The following NAALADL2 variants were observed in gnomAD, a reference collection of about 807,000 sequenced individuals.
The protein encoded by NAALADL2 is N-acetylated alpha-linked acidic dipeptidase like 2.
In NAALADL2, 76 loss-of-function variants were observed where a neutral mutation model predicts 87.2. The ratio of observed to expected loss-of-function variants is 0.87; its 90% CI spans 0.72 to 1.05. The LOEUF (loss-of-function observed/expected upper bound fraction) is 1.05. Among genes scored for constraint, NAALADL2 ranks in the 50% least tolerant of loss-of-function variants. The probability of loss-of-function intolerance (pLI) is 0.00; values close to 1 mark genes in which losing one functional copy is unlikely to be tolerated. For synonymous variants in NAALADL2, 354 were observed against 331.0 expected, an observed-to-expected ratio of 1.07 and a Z score of -0.75; for missense variants, 1,089 against 945.8, an observed-to-expected ratio of 1.15 and a Z score of -1.99.
At chr3:175,417,289 A>G (rs905989110) in intron 5 of NAALADL2, among the ~76,000 whole-genome samples, 6 of 151,870 alleles carry the variant, frequency 4.0e-5, no homozygotes, top group Admixed American at 3.9e-4. Context: ...TTATTGAACT[A>G]ATTCTCAAAG....
At chr3:175,145,109 C>G (rs1167381991) in intron 2 of NAALADL2, among the ~76,000 whole-genome samples, 1 of 151,870 alleles carries the variant, frequency 6.6e-6, no homozygotes, top group Non-Finnish European at 1.5e-5. Flanking sequence ...AGGGGCTGTC[C>G]TAGCTCTTGC....
intron 4 of NAALADL2, among the ~76,000 whole-genome samples, chr3:175,292,136 G>T (rs570414023): frequency 6.6e-6 from 1 of 152,072 alleles, no homozygotes; most frequent in Non-Finnish European, 1.5e-5. Flanking sequence ...CTTTTGGTGC[G>T]TTTGTCATTT....
intron 5 of NAALADL2, among the ~76,000 whole-genome samples, chr3:175,331,890 G>T (rs553980014): frequency 6.6e-6 from 1 of 152,258 alleles, no homozygotes; most frequent in South Asian, 2.1e-4. Flanking sequence ...CAGTAGAGTT[G>T]CAGGATACAA....
chr3:175,013,324 G>C (rs1188731419), intron 1 of NAALADL2, among the ~76,000 whole-genome samples: 15 of 100,142 alleles, frequency 1.5e-4, no homozygotes, highest in African/African-American at 5.8e-4. Flanking sequence ...TTTGAGACAG[G>C]GTCTTGCTCT....
At chr3:174,712,508 C>A (rs535897585) in intron 2 of NAALADL2, among the ~76,000 whole-genome samples, 2 of 150,976 alleles carry the variant, frequency 1.3e-5, no homozygotes, top group African/African-American at 2.4e-5. Flanking sequence ...CTGCCTCAGC[C>A]TCCCAAGTAG....
intron 13 of NAALADL2, among the ~76,000 whole-genome samples, chr3:175,787,717 C>A (rs528026763): frequency 2.3e-4 from 35 of 152,244 alleles, no homozygotes; most frequent in Middle Eastern, 3.4e-3. Flanking sequence ...TGTTCCTATC[C>A]GGCCATCTTG....
Position 175,138,670 on chromosome 3 carries a change from C to G in NAALADL2, c.545+41379C>G, listed in dbSNP as rs539473667. 2.2e-4 allele frequency among the ~76,000 whole-genome samples: 33 copies of G among 148,480 alleles called. No individual in the cohort carries two copies. In the South Asian group the frequency reaches 6.3e-3, roughly 29 times the overall value. Reference sequence around the variant, plus strand: ...AGAGATGGTATCTCTCTATCTTATTCAGGCTGAACTCGAGCTCCTAGGCTC... The same window carrying G: ...AGAGATGGTATCTCTCTATCTTATTGAGGCTGAACTCGAGCTCCTAGGCTC... On this transcript the variant is annotated intron_variant, in intron 2 of 13. Transcript: ENST00000454872.
At chr3:175,080,363 T>A (rs1717563407) in intron 1 of NAALADL2, among the ~76,000 whole-genome samples, 2 of 152,232 alleles carry the variant, frequency 1.3e-5, no homozygotes, top group Non-Finnish European at 2.9e-5. Context: ...ATTCTTAAAC[T>A]GCAAATTATG....
At chr3:174,734,457 C>T (rs953148047) in intron 2 of NAALADL2, among the ~76,000 whole-genome samples, 2 of 152,142 alleles carry the variant, frequency 1.3e-5, no homozygotes, top group Non-Finnish European at 2.9e-5. Context: ...GATCAAAGTT[C>T]CAACCAGTTT....
chr3:175,347,920 G>C (rs1414571053), intron 5 of NAALADL2, among the ~76,000 whole-genome samples: 1 of 151,954 alleles, frequency 6.6e-6, no homozygotes, highest in East Asian at 1.9e-4. Flanking sequence ...AGTATGTGAT[G>C]TTCCCCTCCC....
intron 1 of NAALADL2, among the ~76,000 whole-genome samples, chr3:174,958,317 G>T (rs1024817769): frequency 6.6e-6 from 1 of 151,662 alleles, no homozygotes; most frequent in African/African-American, 2.4e-5. Flanking sequence ...ATGCCCAATA[G>T]CTATTTATTG....
chr3:174,901,414 C>T (rs964235601), intron 1 of NAALADL2, among the ~76,000 whole-genome samples: 7 of 152,094 alleles, frequency 4.6e-5, no homozygotes, highest in African/African-American at 1.7e-4. Flanking sequence ...CCAAAAGATA[C>T]GAAGGTGATT....
At chr3:175,148,437 T>C (rs1281513020) in intron 2 of NAALADL2, among the ~76,000 whole-genome samples, 1 of 152,128 alleles carries the variant, frequency 6.6e-6, no homozygotes, top group Admixed American at 6.6e-5. Context: ...AAAAGCTCTT[T>C]AGTTTAATTA....
At chr3:174,891,783 G>T (rs188032689) in intron 1 of NAALADL2, among the ~76,000 whole-genome samples, 37 of 152,270 alleles carry the variant, frequency 2.4e-4, no homozygotes, top group Middle Eastern at 3.4e-3. Flanking sequence ...AGAAGCAGTG[G>T]ACCGGGGAAA....
chr3:175,160,409 T>C (rs1244564764), intron 2 of NAALADL2, among the ~76,000 whole-genome samples: 1 of 127,430 alleles, frequency 7.8e-6, no homozygotes, highest in Non-Finnish European at 1.6e-5. Context: ...TTTGCTCTTG[T>C]TGCCCAGGCT....
intron 5 of NAALADL2, among the ~76,000 whole-genome samples, chr3:175,433,668 C>T (rs1295780594): frequency 6.6e-6 from 1 of 151,968 alleles, no homozygotes; most frequent in Non-Finnish European, 1.5e-5. Flanking sequence ...GTAGGCAAAG[C>T]ATTACCTTAG....
intron 13 of NAALADL2, among the ~76,000 whole-genome samples, chr3:175,756,026 T>C (rs1013955234): frequency 6.6e-6 from 1 of 152,158 alleles, no homozygotes; most frequent in Admixed American, 6.5e-5. Flanking sequence ...AAGTTCCTTA[T>C]ATAGTAGAAG....
At chr3:174,506,900 T>C (rs1446300600) in intron 1 of NAALADL2, among the ~76,000 whole-genome samples, 2 of 151,964 alleles carry the variant, frequency 1.3e-5, no homozygotes, top group African/African-American at 4.8e-5. Flanking sequence ...TTTTTCTTAT[T>C]TCTAAGTAAT....
intron 13 of NAALADL2, among the ~76,000 whole-genome samples, chr3:175,786,166 A>G (rs1419583194): frequency 3.3e-5 from 5 of 151,546 alleles, no homozygotes; most frequent in Admixed American, 6.6e-5. Flanking sequence ...GGTGAATCTG[A>G]CAATTATGTG....
Sources: allele counts gnomAD v4.1 joint callset (sites outside exome capture counted in the v4.1 genomes callset), GRCh38; gene constraint gnomAD v4.1.1; transcripts MANE v1.5; gene names NCBI Gene and HGNC (gene_info 2026-07-23, HGNC 2026-07-21).